MGAT4C: variants seen among roughly 807,000 people sequenced by gnomAD.
MGAT4C encodes alpha-1,3-mannosyl-glycoprotein 4-beta-N-acetylglucosaminyltransferase C.
Under a neutral mutation model 40.1 loss-of-function variants are expected in MGAT4C, and 19 were observed. The observed-to-expected ratio is 0.47, with a 90% confidence interval of 0.33 to 0.70. MGAT4C has a LOEUF of 0.70. Among genes scored for constraint, MGAT4C ranks in the 30% least tolerant of loss-of-function variants. The pLI is 0.02. For synonymous variants in MGAT4C, 181 were observed against 187.1 expected (o/e 0.97, Z 0.27); for missense variants, 491 against 563.2 (o/e 0.87, Z 1.30).
rs984685828 is a variant in MGAT4C at position 86,128,841 on chromosome 12, G to T, written c.-56-79118C>A. Among the ~76,000 whole-genome samples the T allele has an allele frequency of 6.6e-5, 10 of 152,206 alleles. No homozygotes were observed. In the South Asian group the frequency reaches 1.9e-3, roughly 28 times the overall value. On this transcript the variant is annotated intron_variant, in intron 1 of 4. Transcript: ENST00000611864. ...TTAAGCCCTTAATCCATCTTGAGTT[G>T]ATTTTTGTATAGGTGAGAGATGAGG... is the stretch of plus-strand genomic sequence containing the variant.
chr12:86,781,855 G>T (rs1319557418), intron 1 of MGAT4C, among the ~76,000 whole-genome samples: 1 of 152,144 alleles, frequency 6.6e-6, no homozygotes, highest in South Asian at 2.1e-4. Flanking sequence ...GGTTTGTATA[G>T]AATTGTTTGC....
At chr12:86,278,574 G>A (rs1008928657) in intron 4 of MGAT4C, among the ~76,000 whole-genome samples, 4 of 151,786 alleles carry the variant, frequency 2.6e-5, no homozygotes, top group African/African-American at 9.7e-5. Context: ...TACTGAATTT[G>A]TTTATCAGTT....
At chr12:86,522,034 C>A (rs192654553) in intron 2 of MGAT4C, among the ~76,000 whole-genome samples, 5 of 152,238 alleles carry the variant, frequency 3.3e-5, no homozygotes, top group Non-Finnish European at 7.4e-5. Context: ...GACAAAGCAT[C>A]ATGTCATCTG....
At chr12:86,307,311 CATAAA>C (rs1953957791) in intron 4 of MGAT4C, among the ~76,000 whole-genome samples, 1 of 150,554 alleles carries the variant, frequency 6.6e-6, no homozygotes, top group African/African-American at 2.5e-5. Context: ...GCATGAATTA[CATAAA>C]ATAAACTATT....
At chr12:86,509,938 T>C (rs945580807) in intron 2 of MGAT4C, among the ~76,000 whole-genome samples, 19 of 152,192 alleles carry the variant, frequency 1.2e-4, no homozygotes, top group African/African-American at 4.1e-4. Context: ...CTGAAGTTGC[T>C]TATCAGCTTA....
chr12:86,219,187 A>G (rs567484199), intron 1 of MGAT4C, among the ~76,000 whole-genome samples: 81 of 152,168 alleles, frequency 5.3e-4, no homozygotes, highest in African/African-American at 1.9e-3. Context: ...TCAAAAAAAG[A>G]AAAAAAGAAA....
intron 3 of MGAT4C, among the ~76,000 whole-genome samples, chr12:86,432,230 T>C (rs187099070): frequency 2.6e-5 from 4 of 152,064 alleles, no homozygotes; most frequent in Admixed American, 2.6e-4. Flanking sequence ...ATCACAAGGA[T>C]TGTGCAAATT....
At chr12:86,615,703 T>C (rs1473895630) in intron 2 of MGAT4C, among the ~76,000 whole-genome samples, 1 of 152,000 alleles carries the variant, frequency 6.6e-6, no homozygotes, top group Non-Finnish European at 1.5e-5. Flanking sequence ...ATTGGGAACA[T>C]AAAAAAATGA....
intron 2 of MGAT4C, among the ~76,000 whole-genome samples, chr12:86,603,526 TATATATAGTCTATAGACTATAGATA>T (rs1435816466): frequency 1.3e-3 from 29 of 22,312 alleles, no homozygotes; most frequent in African/African-American, 2.2e-3. Context: ...GTCTATAGAC[TATATATAGTCTATAGACTATAGATA>T]ATATATAGTC....
rs1429167729 is a variant in MGAT4C at position 85,966,845 on chromosome 12, T to G, written c.*12444A>C. ...TGTTCTCATAGGTGGGAACTGAACA[T>G]TGAGAACACATAGACACAGGAAGGG... is the stretch of plus-strand genomic sequence containing the variant. On this transcript the variant is annotated 3_prime_UTR_variant, in exon 5 of 5. Coordinates refer to ENST00000611864, the MANE Select transcript of MGAT4C (RefSeq NM_001351288.2). 6.7e-6 allele frequency: 1 copy of G among 148,744 alleles called. No homozygotes were observed. The highest frequency in any genetic ancestry group is 1.5e-5 in the Non-Finnish European group (1 of 67,446). 9.2% of individuals were successfully genotyped at this position (148,744 alleles called of 1,614,324 possible).
At chr12:86,264,416 A>T (rs1480468998) in intron 4 of MGAT4C, among the ~76,000 whole-genome samples, 1 of 152,002 alleles carries the variant, frequency 6.6e-6, no homozygotes, top group Non-Finnish European at 1.5e-5. Context: ...CCCCGTTTTG[A>T]TTGCAGGAGA....
intron 1 of MGAT4C, among the ~76,000 whole-genome samples, chr12:86,121,096 C>A (rs1421300465): frequency 6.6e-6 from 1 of 152,080 alleles, no homozygotes; most frequent in African/African-American, 2.4e-5. Flanking sequence ...CTACGTGACG[C>A]ATGCACAAGC....
chr12:86,430,432 C>A (rs1957011953), intron 3 of MGAT4C, among the ~76,000 whole-genome samples: 1 of 152,080 alleles, frequency 6.6e-6, no homozygotes, highest in African/African-American at 2.4e-5. Flanking sequence ...TTTAATCTAG[C>A]CTCTGATTTT....
chr12:86,333,070 T>A (rs1354590364), intron 4 of MGAT4C, among the ~76,000 whole-genome samples: 1 of 152,140 alleles, frequency 6.6e-6, no homozygotes, highest in African/African-American at 2.4e-5. Flanking sequence ...TAATGCTCTA[T>A]CGCACACAGA....
chr12:86,442,331 A>G (rs1342080817), intron 2 of MGAT4C, among the ~76,000 whole-genome samples: 1 of 152,178 alleles, frequency 6.6e-6, no homozygotes, highest in Non-Finnish European at 1.5e-5. Flanking sequence ...TTTGCTGTGC[A>G]GAAGCTCTTT....
chr12:86,120,224 T>TTTA (rs555067960), intron 1 of MGAT4C, among the ~76,000 whole-genome samples: 1 of 145,442 alleles, frequency 6.9e-6, no homozygotes, highest in Non-Finnish European at 1.5e-5. Context: ...ATTTTTATTT[T>TTTA]ATTTTATTTT....
chr12:86,345,727 C>T (rs57347458), intron 3 of MGAT4C, among the ~76,000 whole-genome samples: 14,304 of 151,692 alleles, frequency 0.094, 815 homozygotes, highest in Middle Eastern at 0.22. Context: ...TGTCCATGTG[C>T]CTTTATAACA....
chr12:86,402,458 G>T (rs1461706718), intron 3 of MGAT4C, among the ~76,000 whole-genome samples: 1 of 151,994 alleles, frequency 6.6e-6, no homozygotes, highest in African/African-American at 2.4e-5. Context: ...AAAATAAGAG[G>T]TTGGGGACAA....
At chr12:86,482,055 T>G (rs915100499) in intron 2 of MGAT4C, among the ~76,000 whole-genome samples, 1 of 140,156 alleles carries the variant, frequency 7.1e-6, no homozygotes, top group African/African-American at 2.8e-5. Context: ...TTGTATTTTC[T>G]AAACATGTCA....
Sources: gnomAD v4.1 joint callset for allele counts (sites outside exome capture counted in the v4.1 genomes callset) on GRCh38, gnomAD v4.1.1 for gene constraint, MANE v1.5 for transcripts, NCBI Gene and HGNC (gene_info 2026-07-23, HGNC 2026-07-21) for gene names.